The following KIF24 variants were observed in gnomAD, a reference collection of about 807,000 sequenced individuals.
KIF24 encodes the protein kinesin-like protein KIF24.
A neutral mutation model predicts 118.9 loss-of-function variants in KIF24; 81 were observed. That is an observed-to-expected ratio of 0.68 (90% CI 0.57 to 0.82). KIF24 has a LOEUF of 0.82. Ranked by LOEUF, KIF24 falls within the 40% of genes least tolerant of loss-of-function variation. The pLI, the probability that KIF24 is intolerant of heterozygous loss-of-function variation, is 0.00. For missense variants in KIF24, 1,560 were observed against 1,661.6 expected (o/e 0.94, Z 1.06); for synonymous variants, 599 against 610.0 (o/e 0.98, Z 0.27).
In KIF24 at chr9:34,318,533, G is replaced by T; in HGVS notation, c.-25-7162C>A. On this transcript the variant is annotated intron_variant, in intron 1 of 12. Coordinates refer to ENST00000402558, the MANE Select transcript of KIF24 (RefSeq NM_194313.4). This position sits in a 1 kb window ranked among gnomAD's most constrained non-coding sequence, Gnocchi z 4.9. ...GCTGAGCCCCAAGGCAGCCACGCTG[G>T]CCGAACACAGCGCCGGCCTGGCCTT... 9.9e-7 allele frequency: 1 copy of T among 1,009,874 alleles called. No individual in the cohort carries two copies. The highest frequency in any genetic ancestry group is 2.5e-4 in the Middle Eastern group (1 of 4,020). 62.6% of individuals were successfully genotyped at this position (1,009,874 alleles called of 1,614,324 possible). A position where few individuals can be genotyped will look rare whatever the true frequency, so the allele number is the denominator to read the frequency against.
chr9:34,264,088 C>T (rs528758518), intron 8 of KIF24, among the ~76,000 whole-genome samples: 63 of 152,004 alleles, frequency 4.1e-4, no homozygotes, highest in Non-Finnish European at 7.9e-4. Context: ...GAGAGACCTT[C>T]TATTTCTGAG....
At chr9:34,307,011 C>T (rs368582413) in intron 2 of KIF24, among the ~76,000 whole-genome samples, 1 of 151,988 alleles carries the variant, frequency 6.6e-6, no homozygotes, top group African/African-American at 2.4e-5. Flanking sequence ...ATATAGAATA[C>T]TATTTTATAC....
chr9:34,325,741 T>A (rs1455805326), intron 1 of KIF24, among the ~76,000 whole-genome samples: 1 of 152,152 alleles, frequency 6.6e-6, no homozygotes, highest in Admixed American at 6.6e-5. Flanking sequence ...TAATATTCAA[T>A]AATTGTTTAA....
intron 3 of KIF24, among the ~76,000 whole-genome samples, chr9:34,305,590 A>G (rs1836881791): frequency 6.6e-6 from 1 of 152,088 alleles, no homozygotes; most frequent in Non-Finnish European, 1.5e-5. Flanking sequence ...CTACTTAATT[A>G]TTTATTTGTT....
intron 9 of KIF24, 57 bp downstream of exon 9, chr9:34,263,044 G>C (rs918792702): frequency 2.3e-6 from 3 of 1,325,376 alleles, no homozygotes; most frequent in African/African-American, 2.9e-5. Flanking sequence ...ACAAATACAT[G>C]AAATAAGGAA....
chr9:34,264,719 C>T (rs546593815), intron 8 of KIF24, among the ~76,000 whole-genome samples: 13 of 152,200 alleles, frequency 8.5e-5, no homozygotes, highest in African/African-American at 1.2e-4. Context: ...CAAATTCAAG[C>T]GTGGCCACCA....
chr9:34,259,556 G>A (rs1178997838), intron 10 of KIF24, 40 bp downstream of exon 10: 3 of 1,459,460 alleles, frequency 2.1e-6, no homozygotes, highest in Non-Finnish European at 2.9e-6. Flanking sequence ...ACATGCACAT[G>A]CACACTTACA....
At chr9:34,324,484 A>G (rs964705495) in intron 1 of KIF24, among the ~76,000 whole-genome samples, 12 of 151,988 alleles carry the variant, frequency 7.9e-5, no homozygotes, top group African/African-American at 2.7e-4. Context: ...TATTTCTACC[A>G]CCACTGCTCT....
rs547256580 is a variant in KIF24 at position 34,319,174 on chromosome 9, G to T, written c.-25-7803C>A. On this transcript the variant is annotated intron_variant, in intron 1 of 12. Transcript: ENST00000402558. The stretch of plus-strand genomic sequence containing the variant: ...AGAAGGAAAAGCTGCAAATCGTGGA[G>T]ATGCCCCTGGCCCACAAGCTCTCCA... The T allele has an allele frequency of 5.6e-6, 9 of 1,604,096 alleles. No individual in the cohort carries two copies. In the East Asian group the frequency reaches 8.9e-5, roughly 16 times the overall value.
intron 1 of KIF24, among the ~76,000 whole-genome samples, chr9:34,312,150 C>T (rs1383401498): frequency 6.6e-6 from 1 of 152,180 alleles, no homozygotes; most frequent in Non-Finnish European, 1.5e-5. Context: ...GTAAAGACAT[C>T]ATCAATTCAG....
At chr9:34,291,650 G>A (rs946005831) in intron 4 of KIF24, among the ~76,000 whole-genome samples, 2 of 152,190 alleles carry the variant, frequency 1.3e-5, no homozygotes, top group Non-Finnish European at 2.9e-5. Context: ...TATGTTTTAC[G>A]AGGAGTTGGA....
intron 8 of KIF24, 132 bp downstream of exon 8, chr9:34,269,125 C>G: frequency 2.0e-6 from 1 of 504,218 alleles, no homozygotes; most frequent in Middle Eastern, 4.4e-4. Context: ...ATCTCCAACC[C>G]TGGCATTCTA....
intron 6 of KIF24, among the ~76,000 whole-genome samples, chr9:34,277,926 G>C (rs1835713938): frequency 6.6e-6 from 1 of 152,176 alleles, no homozygotes; most frequent in South Asian, 2.1e-4. Context: ...CCATGTGGTT[G>C]TGTAGACTAC....
At position 34,257,518 on chromosome 9, in the gene KIF24, C is replaced by T. The variant is rs199521804; in HGVS notation, c.2089G>A (p.Gly697Ser). 4 of 1,614,076 alleles carry T rather than the reference C, an allele frequency of 2.5e-6. No individual in the cohort carries two copies. The East Asian group carries it at 6.7e-5, about 27-fold the overall frequency. ...TTCTTGCACTTGGTGGACAGCTTACCACGCACTAGGCCTTCTCCTGGGCCT... is the reference window on the plus strand; with the variant it reads ...TTCTTGCACTTGGTGGACAGCTTACTACGCACTAGGCCTTCTCCTGGGCCT... ...ASGPGEGLVR[G>S]KLSTKCKKVQ... The change falls in exon 11 of 13, where the codon GGT becomes AGT. Residue 697 changes from glycine (G) to serine (S), a missense_variant. Coordinates refer to ENST00000402558, the MANE Select transcript of KIF24 (RefSeq NM_194313.4).
chr9:34,313,755 T>G lies in KIF24; in HGVS notation c.-25-2384A>C, dbSNP rs571846425. On this transcript the variant is annotated intron_variant, in intron 1 of 12. Coordinates refer to ENST00000402558, the MANE Select transcript of KIF24 (RefSeq NM_194313.4). ...CGTTATCTGTTTTTTTTTTTTTGTT[T>G]TTTTTTTTTTGAGGGATGGTCTTGC... Among the ~76,000 whole-genome samples, 625 of 150,310 alleles carry G rather than the reference T, an allele frequency of 4.2e-3. 6 individuals are homozygous for G. The highest frequency in any genetic ancestry group is 0.014 in the African/African-American group (582 of 40,964).
intron 3 of KIF24, among the ~76,000 whole-genome samples, chr9:34,297,529 G>A (rs1410560520): frequency 2.6e-5 from 4 of 152,118 alleles, no homozygotes; most frequent in Non-Finnish European, 5.9e-5. Context: ...TTGGGAGGCC[G>A]AGGCCAGCAG....
At chr9:34,321,827 G>A (rs1837535654) in intron 1 of KIF24, among the ~76,000 whole-genome samples, 1 of 151,298 alleles carries the variant, frequency 6.6e-6, no homozygotes, top group East Asian at 1.9e-4. Context: ...GGCTGGTCTG[G>A]AACTCCTGGG....
chr9:34,315,709 T>A (rs1156276924), intron 1 of KIF24, among the ~76,000 whole-genome samples: 2 of 152,200 alleles, frequency 1.3e-5, no homozygotes, highest in East Asian at 3.8e-4. Context: ...GTGAATAGTA[T>A]CTGCTTAGAT....
chr9:34,292,452 T>C (rs1836286960), intron 4 of KIF24, among the ~76,000 whole-genome samples: 1 of 152,160 alleles, frequency 6.6e-6, no homozygotes, highest in African/African-American at 2.4e-5. Context: ...GAGAAAGGTA[T>C]AGACCTGTCT....
Sources: allele counts gnomAD v4.1 joint callset (sites outside exome capture counted in the v4.1 genomes callset), GRCh38; gene constraint gnomAD v4.1.1; non-coding constraint Gnocchi (gnomAD v3.1); transcripts MANE v1.5; gene names NCBI Gene and HGNC (gene_info 2026-07-23, HGNC 2026-07-21).